KIRREL1: variants seen among roughly 807,000 people sequenced by gnomAD.
KIRREL1 encodes kirre like nephrin family adhesion molecule 1.
A neutral mutation model predicts 83.3 loss-of-function variants in KIRREL1; 25 were observed. That is an observed-to-expected ratio of 0.30 (90% CI 0.22 to 0.42). The LOEUF (loss-of-function observed/expected upper bound fraction) is 0.42. Ranked by LOEUF, KIRREL1 falls within the 10% of genes least tolerant of loss-of-function variation. The probability of loss-of-function intolerance (pLI) is 1.00; values close to 1 mark genes in which losing one functional copy is unlikely to be tolerated. For missense variants in KIRREL1, 812 were observed against 1,032.3 expected (o/e 0.79, Z 2.92); for synonymous variants, 388 against 410.4 (o/e 0.95, Z 0.66).
Position 158,042,949 on chromosome 1 carries a change from G to A in KIRREL1, c.53-33164G>A, listed in dbSNP as rs377718355. On this transcript the variant is annotated intron_variant, in intron 1 of 14. Coordinates refer to ENST00000359209, the MANE Select transcript of KIRREL1 (RefSeq NM_018240.7). ...AAAAATACAAAAAAATTAGCCGGGC[G>A]TGGTGGCAGGCACCTGTAGTCCCAG... Among the ~76,000 whole-genome samples the A allele has an allele frequency of 5.0e-4, 75 of 151,150 alleles. No homozygotes were observed. In the Middle Eastern group the frequency reaches 0.017, roughly 35 times the overall value.
At chr1:157,999,419 C>T (rs1486352628) in intron 1 of KIRREL1, among the ~76,000 whole-genome samples, 1 of 152,114 alleles carries the variant, frequency 6.6e-6, no homozygotes, top group Non-Finnish European at 1.5e-5. Flanking sequence ...TACACTCATC[C>T]TATGGTGTAG....
rs1394786810 is a variant in KIRREL1 at position 158,088,443 on chromosome 1, G to C, written c.1033G>C (p.Asp345His). The part of the protein sequence containing the change: ...PPLTLTWTKK[D>H]SNMVLSNSNQ... The stretch of plus-strand genomic sequence containing the variant: ...CCTCACTCTCACCTGGACCAAAAAG[G>C]ACTCAAATATGGTAAGACTCTTACT... Residue 345 changes from aspartate (D) to histidine (H), a missense_variant, in exon 8 of 15, where the codon GAC (aspartate) becomes CAC (histidine). Physicochemically the swap from Asp to His is moderately conservative, Grantham distance 81 (BLOSUM62 -1). Transcript: ENST00000359209. The C allele has an allele frequency of 6.4e-7, 1 of 1,567,652 alleles. No individual in the cohort carries two copies. The highest frequency in any genetic ancestry group is 2.3e-5 in the East Asian group (1 of 44,098).
Position 158,095,222 on chromosome 1 carries a change from C to T in KIRREL1, c.*102C>T. Reference sequence around the variant, plus strand: ...ATTGCTCATTGCTCCCTTCTCGGACCAGCCTTCTTCCTCCCACCATGGCAG... The same window carrying T: ...ATTGCTCATTGCTCCCTTCTCGGACTAGCCTTCTTCCTCCCACCATGGCAG... On this transcript the variant is annotated 3_prime_UTR_variant, in exon 15 of 15. Transcript: ENST00000359209. The T allele has an allele frequency of 1.2e-6, 1 of 856,778 alleles. No homozygotes were observed. Among genetic ancestry groups the T allele is most frequent in the Non-Finnish European group, 1.8e-6 (1 of 567,420 alleles). 53.1% of individuals were successfully genotyped at this position (856,778 alleles called of 1,614,324 possible).
chr1:158,092,569 G>C (rs7523599), intron 11 of KIRREL1, among the ~76,000 whole-genome samples: 1 of 151,866 alleles, frequency 6.6e-6, no homozygotes, highest in South Asian at 2.1e-4. Flanking sequence ...AGATGGTCTC[G>C]ATCTCCTGAC....
intron 4 of KIRREL1, 59 bp from the exon 5 acceptor site, chr1:158,086,537 T>A: frequency 1.3e-6 from 2 of 1,526,542 alleles, no homozygotes; most frequent in Non-Finnish European, 1.8e-6. Context: ...GAGGTCAACT[T>A]AAGAGCAGAG....
Position 158,086,580 on chromosome 1 carries a change from C to A in KIRREL1, c.511-16C>A. On this transcript the variant is annotated splice_polypyrimidine_tract_variant and intron_variant, in intron 4 of 14. Coordinates refer to ENST00000359209, the MANE Select transcript of KIRREL1 (RefSeq NM_018240.7). ...CTTTTAGCTTAACCATATCTCCCAC[C>A]CTTGTCATGTTCCAGGAATTGCTGA... 1 of 1,551,480 alleles carries A rather than the reference C, an allele frequency of 6.4e-7. No individual in the cohort carries two copies. Among genetic ancestry groups the A allele is most frequent in the East Asian group, 2.4e-5 (1 of 40,878 alleles).
intron 6 of KIRREL1, 40 bp downstream of exon 6, chr1:158,087,900 A>G: frequency 6.2e-7 from 1 of 1,608,702 alleles, no homozygotes; most frequent in South Asian, 1.1e-5. Context: ...GGGGAGTGAT[A>G]AGGAAGAGTT....
chr1:158,091,974 G>A (rs1244207410), intron 11 of KIRREL1, among the ~76,000 whole-genome samples: 1 of 152,198 alleles, frequency 6.6e-6, no homozygotes, highest in African/African-American at 2.4e-5. Context: ...CTTACAGAGT[G>A]GTAGTAAATT....
Position 158,084,595 on chromosome 1 carries a change from C to T in KIRREL1, c.510+16C>T, listed in dbSNP as rs923036137. On this transcript the variant is annotated intron_variant, in intron 4 of 14. Transcript: ENST00000359209. The stretch of plus-strand genomic sequence containing the variant: ...GGCCAGCACGGTGAGCTCCAGCCAG[C>T]TCCCCCAGCTCCTCCTGGGCCTAGC... The T allele has an allele frequency of 1.9e-6, 3 of 1,549,858 alleles. No individual in the cohort carries two copies. Among genetic ancestry groups the T allele is most frequent in the African/African-American group, 1.4e-5 (1 of 73,042 alleles).
intron 4 of KIRREL1, among the ~76,000 whole-genome samples, chr1:158,086,083 TTAATAA>T (rs1375526962): frequency 1.3e-5 from 2 of 152,310 alleles, no homozygotes; most frequent in East Asian, 3.9e-4. Context: ...AACTGTGGCC[TTAATAA>T]TAATATATTA....
At chr1:158,088,739 C>T (rs1368868904) in intron 8 of KIRREL1, among the ~76,000 whole-genome samples, 1 of 152,090 alleles carries the variant, frequency 6.6e-6, no homozygotes, top group African/African-American at 2.4e-5. Context: ...CCGCCTCGGC[C>T]TCCCAAAGTG....
Position 158,099,257 on chromosome 1 carries a change from G to A in KIRREL1, c.*4137G>A, listed in dbSNP as rs1383135663. ...TGGCGAGGCCATAATGAACACTGAAGTGCACAGGCCAAGGGATGTAATTGA... is the reference window on the plus strand; with the variant it reads ...TGGCGAGGCCATAATGAACACTGAAATGCACAGGCCAAGGGATGTAATTGA... On this transcript the variant is annotated 3_prime_UTR_variant, in exon 15 of 15. Coordinates refer to ENST00000359209, the MANE Select transcript of KIRREL1 (RefSeq NM_018240.7). 6.6e-6 allele frequency: 1 copy of A among 152,258 alleles called. No individual in the cohort carries two copies. Among genetic ancestry groups the A allele is most frequent in the Non-Finnish European group, 1.5e-5 (1 of 68,060 alleles). The allele number at this position is 152,258 out of a possible 1,614,324, so 9.4% of individuals were successfully genotyped here. A position where few individuals can be genotyped will look rare whatever the true frequency, so the allele number is the denominator to read the frequency against.
In KIRREL1 at chr1:158,094,630, C is replaced by A; in HGVS notation, c.1798-14C>A. 1.3e-6 allele frequency: 2 copies of A among 1,571,500 alleles called. No homozygotes were observed. The highest frequency in any genetic ancestry group is 1.2e-5 in the South Asian group (1 of 86,004). On this transcript the variant is annotated splice_polypyrimidine_tract_variant and intron_variant, in intron 14 of 14. Coordinates refer to ENST00000359209, the MANE Select transcript of KIRREL1 (RefSeq NM_018240.7). This position sits in a 1 kb window ranked among gnomAD's most constrained non-coding sequence, Gnocchi z 4.6. ...GGGAACACTGCCTCCATCCTCTTCT[C>A]TCATTGCCCCCAGGACCCCACCAAT...
intron 3 of KIRREL1, among the ~76,000 whole-genome samples, chr1:158,083,169 A>G (rs922057594): frequency 1.3e-5 from 2 of 152,192 alleles, no homozygotes; most frequent in Non-Finnish European, 2.9e-5. Context: ...ACATCGGTCA[A>G]TTGAATTCTT....
chr1:158,016,228 C>T (rs1267054921), intron 1 of KIRREL1, among the ~76,000 whole-genome samples: 2 of 151,896 alleles, frequency 1.3e-5, no homozygotes, highest in East Asian at 1.9e-4. Flanking sequence ...GTTGTGAACC[C>T]TGTAGGCAGA....
intron 1 of KIRREL1, among the ~76,000 whole-genome samples, chr1:158,028,481 T>C (rs1660232198): frequency 6.6e-6 from 1 of 152,204 alleles, no homozygotes. Flanking sequence ...CTGCTTTTAA[T>C]TGTAGCAACT....
intron 1 of KIRREL1, among the ~76,000 whole-genome samples, chr1:158,040,235 C>T (rs996756632): frequency 2.0e-5 from 3 of 152,200 alleles, no homozygotes; most frequent in Non-Finnish European, 2.9e-5. Context: ...CTGGGCTTGA[C>T]CTCCAGGATG....
At chr1:158,068,770 AT>A in intron 1 of KIRREL1, among the ~76,000 whole-genome samples, 1 of 150,926 alleles carries the variant, frequency 6.6e-6, no homozygotes, top group African/African-American at 2.4e-5. Context: ...TGGCTGTTGT[AT>A]TTTTCATAGA....
Position 158,095,149 on chromosome 1 carries a change from C to A in KIRREL1, c.*29C>A. The A allele has an allele frequency of 2.7e-6, 4 of 1,483,468 alleles. No individual in the cohort carries two copies. The highest frequency in any genetic ancestry group is 3.7e-6 in the Non-Finnish European group (4 of 1,083,158). The allele number at this position is 1,483,468 out of a possible 1,614,324, so 91.9% of individuals were successfully genotyped here. ...CCAGAGCCTGGCTGGGGCATCTCTGCGGGGCAGAGGAGAAGGCTTTCACAG... is the reference window on the plus strand; with the variant it reads ...CCAGAGCCTGGCTGGGGCATCTCTGAGGGGCAGAGGAGAAGGCTTTCACAG... On this transcript the variant is annotated 3_prime_UTR_variant, in exon 15 of 15. Coordinates refer to ENST00000359209, the MANE Select transcript of KIRREL1 (RefSeq NM_018240.7).
Sources: gnomAD v4.1 joint callset for allele counts (sites outside exome capture counted in the v4.1 genomes callset) on GRCh38, gnomAD v4.1.1 for gene constraint, Gnocchi (gnomAD v3.1) non-coding constraint, MANE v1.5 for transcripts, NCBI Gene and HGNC (gene_info 2026-07-23, HGNC 2026-07-21) for gene names.